The following SEC23A variants were observed in gnomAD, a reference collection of about 807,000 sequenced individuals.
SEC23A encodes SEC23 homolog A, COPII component.
SEC23A carries 56 observed loss-of-function variants against 103.7 expected under a neutral mutation model. The observed-to-expected ratio is 0.54, with a 90% confidence interval of 0.44 to 0.67. The LOEUF is 0.67. Among genes scored for constraint, SEC23A ranks in the 30% least tolerant of loss-of-function variants. The pLI is 0.00. For synonymous variants in SEC23A, 281 were observed against 293.0 expected (o/e 0.96, Z 0.42); for missense variants, 784 against 936.4 (o/e 0.84, Z 2.12).
rs59260008 is a variant in SEC23A, at chr14:39,065,997, C to CAAAAAAAAAAAAAAAA, written c.1228-1020_1228-1005dup. On this transcript the variant is annotated intron_variant, in intron 10 of 19. Coordinates refer to ENST00000307712, the MANE Select transcript of SEC23A (RefSeq NM_006364.4). ...GGGCAATAAGAGCGAAACTCCATCT[C>CAAAAAAAAAAAAAAAA]AAAAAAAAAAAAAAAAAAAAAAAAA... Among the ~76,000 whole-genome samples the CAAAAAAAAAAAAAAAA allele has an allele frequency of 4.1e-4, 33 of 80,496 alleles. 1 individual carries two copies. Among genetic ancestry groups the CAAAAAAAAAAAAAAAA allele is most frequent in the Admixed American group, 7.2e-4 (5 of 6,936 alleles). The allele number at this position is 80,496 out of a possible 152,430, so 52.8% of individuals were successfully genotyped here.
At chr14:39,064,157 C>T (rs1345566673) in intron 11 of SEC23A, among the ~76,000 whole-genome samples, 1 of 151,934 alleles carries the variant, frequency 6.6e-6, no homozygotes, top group African/African-American at 2.4e-5. Context: ...AATTGTTAAG[C>T]ACTCTGATTC....
chr14:39,051,898 AG>A (rs1398954153), intron 14 of SEC23A, among the ~76,000 whole-genome samples: 4 of 151,388 alleles, frequency 2.6e-5, no homozygotes, highest in African/African-American at 9.7e-5. Flanking sequence ...AACCTGGAGG[AG>A]GAGGTTGCAG....
intron 12 of SEC23A, among the ~76,000 whole-genome samples, chr14:39,062,453 A>G (rs757307272): frequency 4.6e-5 from 7 of 152,144 alleles, no homozygotes; most frequent in Non-Finnish European, 1.0e-4. Flanking sequence ...AGATAAACAG[A>G]AATTGAGCTA....
intron 9 of SEC23A, among the ~76,000 whole-genome samples, chr14:39,072,305 T>C (rs564636729): frequency 1.3e-5 from 2 of 151,910 alleles, no homozygotes; most frequent in Non-Finnish European, 2.9e-5. Context: ...AAGGGATTTA[T>C]ATCCAAATAA....
At chr14:39,096,368 T>C (rs1887891571) in intron 1 of SEC23A, among the ~76,000 whole-genome samples, 1 of 151,982 alleles carries the variant, frequency 6.6e-6, no homozygotes, top group African/African-American at 2.4e-5. Context: ...CCGTCTCTAC[T>C]AAAAATACAA....
At chr14:39,049,584 T>C (rs774684102) in intron 14 of SEC23A, among the ~76,000 whole-genome samples, 72 of 151,646 alleles carry the variant, frequency 4.7e-4, no homozygotes, top group Non-Finnish European at 7.5e-4. Flanking sequence ...TGAGACCAGC[T>C]TGGGCAACAT....
At chr14:39,100,903 G>A (rs551592860) in intron 1 of SEC23A, among the ~76,000 whole-genome samples, 3 of 151,742 alleles carry the variant, frequency 2.0e-5, no homozygotes, top group Non-Finnish European at 4.4e-5. Context: ...GAGTGCAGTG[G>A]TGCAATCTCG....
intron 13 of SEC23A, among the ~76,000 whole-genome samples, chr14:39,056,854 A>G (rs1204269683): frequency 1.3e-5 from 2 of 152,194 alleles, no homozygotes; most frequent in Non-Finnish European, 2.9e-5. Context: ...GAAATCTTCC[A>G]AAGTAAGTGT....
intron 13 of SEC23A, among the ~76,000 whole-genome samples, chr14:39,058,582 C>T (rs1366578679): frequency 6.6e-6 from 1 of 152,194 alleles, no homozygotes; most frequent in Non-Finnish European, 1.5e-5. Context: ...GCTGGGATTA[C>T]AGGCGTGAGC....
intron 5 of SEC23A, chr14:39,087,682 G>A (rs1179557739): frequency 6.6e-6 from 1 of 152,490 alleles, no homozygotes; most frequent in African/African-American, 2.4e-5. Flanking sequence ...GCTTAGTCAT[G>A]AAGTACTGGA....
At chr14:39,099,294 G>A (rs1888002837) in intron 1 of SEC23A, among the ~76,000 whole-genome samples, 1 of 151,640 alleles carries the variant, frequency 6.6e-6, no homozygotes, top group African/African-American at 2.4e-5. Flanking sequence ...AAGTAGCTGG[G>A]ACTACATGCG....
chr14:39,058,554 G>T (rs1475460005), intron 13 of SEC23A, among the ~76,000 whole-genome samples: 1 of 152,088 alleles, frequency 6.6e-6, no homozygotes, highest in Non-Finnish European at 1.5e-5. Flanking sequence ...TGATCCACCC[G>T]CCTTGGCCTC....
chr14:39,049,780 G>A (rs534320599), intron 14 of SEC23A, among the ~76,000 whole-genome samples: 22 of 123,038 alleles, frequency 1.8e-4, no homozygotes, highest in Non-Finnish European at 2.7e-4. Flanking sequence ...ATTCTGTCTC[G>A]AAAAAGAAAA....
intron 2 of SEC23A, among the ~76,000 whole-genome samples, chr14:39,094,502 A>G (rs960992017): frequency 3.6e-5 from 5 of 139,684 alleles, no homozygotes; most frequent in African/African-American, 1.3e-4. Context: ...TGCCCAGGCA[A>G]TCCTCCCACC....
Position 39,102,469 on chromosome 14 carries a change from T to C in SEC23A, c.-22+563A>G, listed in dbSNP as rs115226217. Among the ~76,000 whole-genome samples, 359 of 152,328 alleles carry C rather than the reference T, an allele frequency of 2.4e-3. 2 individuals carry two copies. Among genetic ancestry groups the C allele is most frequent in the African/African-American group, 8.0e-3 (332 of 41,582 alleles). On this transcript the variant is annotated intron_variant, in intron 1 of 19. Transcript: ENST00000307712. ...ATTTACTATGACCTTCCTCAGGCAGTACCTTTACCACCAAATCGGGAAACA... is the reference window on the plus strand; with the variant it reads ...ATTTACTATGACCTTCCTCAGGCAGCACCTTTACCACCAAATCGGGAAACA...
intron 14 of SEC23A, among the ~76,000 whole-genome samples, chr14:39,050,808 G>GAAGAAAGAAAGAAAGAAAGA (rs3064945): frequency 4.6e-5 from 7 of 150,724 alleles, no homozygotes; most frequent in African/African-American, 1.7e-4. Context: ...GGAAAGAAAG[G>GAAGAAAGAAAGAAAGAAAGA]AAGAAAGAAA....
chr14:39,102,862 G>C (rs972758623), intron 1 of SEC23A, among the ~76,000 whole-genome samples, 170 bp downstream of exon 1: 1 of 152,166 alleles, frequency 6.6e-6, no homozygotes, highest in Non-Finnish European at 1.5e-5. Context: ...AGAGCGAAGT[G>C]GGTGAGAGGG....
At chr14:39,087,960 G>GT (rs1247435738) in intron 5 of SEC23A, 5 of 152,174 alleles carry the variant, frequency 3.3e-5, no homozygotes. Flanking sequence ...TACACAATCA[G>GT]TAAGTAACAA....
In SEC23A at chr14:39,095,049, G is replaced by C. The variant is rs966809594; in HGVS notation, c.221+849C>G. 1.2e-5 allele frequency: 8 copies of C among 688,860 alleles called. No individual in the cohort carries two copies. In the East Asian group the frequency reaches 2.2e-4, roughly 19 times the overall value. 42.7% of individuals were successfully genotyped at this position (688,860 alleles called of 1,614,324 possible). On this transcript the variant is annotated intron_variant, in intron 2 of 19. Coordinates refer to ENST00000307712, the MANE Select transcript of SEC23A (RefSeq NM_006364.4). ...GACAAGAATAGAAACAGGGAGAGCAGGTAGGAGGATATTGAAATTGCCCAG... is the reference window on the plus strand; with the variant it reads ...GACAAGAATAGAAACAGGGAGAGCACGTAGGAGGATATTGAAATTGCCCAG...
Sources: allele counts gnomAD v4.1 joint callset (sites outside exome capture counted in the v4.1 genomes callset), GRCh38; gene constraint gnomAD v4.1.1; transcripts MANE v1.5; gene names NCBI Gene and HGNC (gene_info 2026-07-23, HGNC 2026-07-21).